The following ASNSD1 variants were observed in gnomAD, a reference collection of about 807,000 sequenced individuals.
ASNSD1 encodes the protein asparagine synthetase domain-containing protein 1.
A neutral mutation model predicts 48.3 loss-of-function variants in ASNSD1; 36 were observed. That is an observed-to-expected ratio of 0.75 (90% CI 0.57 to 0.99). The LOEUF is 0.99. Ranked by LOEUF, ASNSD1 falls within the 50% of genes least tolerant of loss-of-function variation. The pLI, the probability that ASNSD1 is intolerant of heterozygous loss-of-function variation, is 0.00. For missense variants in ASNSD1, 714 were observed against 758.2 expected, an observed-to-expected ratio of 0.94 and a Z score of 0.69; for synonymous variants, 257 against 262.1, an observed-to-expected ratio of 0.98 and a Z score of 0.19.
chr2:189,665,511 T>TAA, intron 3 of ASNSD1, 60 bp downstream of exon 3: 2 of 384,694 alleles, frequency 5.2e-6, no homozygotes, highest in Non-Finnish European at 4.6e-6. Flanking sequence ...ATCTGAGTGT[T>TAA]AAAATATATA....
chr2:189,664,274 C>T (rs1010990612), intron 2 of ASNSD1, among the ~76,000 whole-genome samples: 1 of 152,060 alleles, frequency 6.6e-6, no homozygotes, highest in African/African-American at 2.4e-5. Context: ...TATAAACGAA[C>T]TTTATATTGA....
intron 1 of ASNSD1, among the ~76,000 whole-genome samples, chr2:189,663,240 T>TATA (rs944088732): frequency 4.8e-5 from 7 of 145,232 alleles, no homozygotes; most frequent in African/African-American, 1.8e-4. Flanking sequence ...TATATATATA[T>TATA]TTTTTAAATT....
chr2:189,666,191 A>G lies in ASNSD1; in HGVS notation c.59A>G (p.Lys20Arg), dbSNP rs761926533. The change falls in exon 4 of 6, where the codon AAA becomes AGA. Residue 20 changes from lysine (K) to arginine (R), a missense_variant. Physicochemically the swap from Lys to Arg is conservative, Grantham distance 26. Coordinates refer to ENST00000260952, the MANE Select transcript of ASNSD1 (RefSeq NM_019048.4). ...FSAEHFSQDL[K>R]EDLLYNLKQR... ...GCTGAGCATTTCAGTCAAGATTTAA[A>G]AGAGGACTTACTATATAATCTTAAA... 4 of 1,607,406 alleles carry G rather than the reference A, an allele frequency of 2.5e-6. No individual in the cohort carries two copies. In the Admixed American group the frequency reaches 6.8e-5, roughly 28 times the overall value.
chr2:189,668,975 G>A (rs1317278574), intron 5 of ASNSD1, among the ~76,000 whole-genome samples: 2 of 152,158 alleles, frequency 1.3e-5, no homozygotes, highest in African/African-American at 4.8e-5. Context: ...TTGATTAAGT[G>A]GTAGTTTATT....
rs2032842606 is a variant in ASNSD1, at chr2:189,667,592, C to G, written c.1460C>G (p.Ala487Gly). 2 of 1,601,512 alleles carry G rather than the reference C, an allele frequency of 1.2e-6. No individual in the cohort carries two copies. The highest frequency in any genetic ancestry group is 1.3e-5 in the African/African-American group (1 of 74,578). Residue 487 changes from alanine (A) to glycine (G), a missense_variant, in exon 4 of 6, where the codon GCA becomes GGA. Transcript: ENST00000260952. ...QEGVKSYQSN[A>G]KVVLTGIGAD... The stretch of plus-strand genomic sequence containing the variant: ...GGAGTGAAATCCTATCAGAGCAATG[C>G]AAAGGTATGACACAGTGTTTCTTCT...
chr2:189,661,863 G>T (rs549015200), intron 1 of ASNSD1, among the ~76,000 whole-genome samples: 5 of 152,264 alleles, frequency 3.3e-5, no homozygotes, highest in Non-Finnish European at 5.9e-5. Context: ...TTTTGGTTGG[G>T]TGTTTTCCTC....
Position 189,669,089 on chromosome 2 carries a change from T to A in ASNSD1, c.1646+1144T>A, listed in dbSNP as rs111231142. The stretch of plus-strand genomic sequence containing the variant: ...TCTCTCTCTCTCTCTTTGACTTCAT[T>A]GTTTCTTGTCTCTACTTCAGTCTTT... On this transcript the variant is annotated intron_variant, in intron 5 of 5. Coordinates refer to ENST00000260952, the MANE Select transcript of ASNSD1 (RefSeq NM_019048.4). Among the ~76,000 whole-genome samples the A allele has an allele frequency of 9.3e-3, 1,413 of 152,314 alleles. 22 individuals are homozygous for A. Among genetic ancestry groups the A allele is most frequent in the African/African-American group, 0.033 (1,352 of 41,574 alleles).
In ASNSD1 at chr2:189,666,392, C is replaced by G; in HGVS notation, c.260C>G (p.Ala87Gly). 6.2e-7 allele frequency: 1 copy of G among 1,613,994 alleles called. No homozygotes were observed. The highest frequency in any genetic ancestry group is 2.2e-5 in the East Asian group (1 of 44,872). The change falls in exon 4 of 6, where the codon GCT (alanine) becomes GGT (glycine). Residue 87 changes from alanine to glycine, a missense_variant. Ala to Gly is a moderately conservative substitution (Grantham distance 60, BLOSUM62 0). Coordinates refer to ENST00000260952, the MANE Select transcript of ASNSD1 (RefSeq NM_019048.4). ...ATTTTTAGTGGAATAAAGGTTGAAG[C>G]TGAAGAGAATGACACTCAAATTTTG... ...GEIFSGIKVE[A>G]EENDTQILFN...
intron 2 of ASNSD1, among the ~76,000 whole-genome samples, chr2:189,664,746 CA>C (rs545748114): frequency 1.7e-3 from 213 of 122,900 alleles, no homozygotes; most frequent in Admixed American, 2.2e-3. Flanking sequence ...GACTCCTTCT[CA>C]AAAAAAAAAA....
intron 5 of ASNSD1, among the ~76,000 whole-genome samples, chr2:189,668,240 C>G (rs2032855474): frequency 6.6e-6 from 1 of 152,194 alleles, no homozygotes; most frequent in African/African-American, 2.4e-5. Flanking sequence ...GTAGGCCAGG[C>G]ATGGTGGCTC....
rs1239774491 is a variant in ASNSD1 at position 189,666,771 on chromosome 2, TAG to T, written c.640_641del (p.Ser214ProfsTer18). 1 of 1,613,896 alleles carries T rather than the reference TAG, an allele frequency of 6.2e-7. No individual in the cohort carries two copies. The highest frequency in any genetic ancestry group is 8.5e-7 in the Non-Finnish European group (1 of 1,179,768). Reference protein sequence around the residue: ...RENIIEENVNSLSQISADLPA... With the variant: ...RENIIEENVNXLSQISADLPA... ...AGAATATTATTGAAGAAAATGTTAA[TAG>T]CCTGAGTCAAATTTCAGCAGACTTA... On this transcript the variant is annotated frameshift_variant, in exon 4 of 6. Transcript: ENST00000260952. LOFTEE classifies it high-confidence loss of function.
intron 2 of ASNSD1, among the ~76,000 whole-genome samples, chr2:189,664,501 G>A (rs1198306670): frequency 6.6e-6 from 1 of 152,208 alleles, no homozygotes; most frequent in East Asian, 1.9e-4. Context: ...AGGAAGAAAT[G>A]AGTTTGAGCT....
Position 189,667,297 on chromosome 2 carries a change from G to GC in ASNSD1, c.1165_1166insC (p.Val389AlafsTer7). On this transcript the variant is annotated frameshift_variant, in exon 4 of 6. Coordinates refer to ENST00000260952, the MANE Select transcript of ASNSD1 (RefSeq NM_019048.4). LOFTEE classifies it high-confidence loss of function. ...ACCTTCAGAAGAATTCTCTAAAGAT[G>GC]TTGCTGCTGCTGCTGCTGACAGTCC... is the stretch of plus-strand genomic sequence containing the variant. 6.2e-7 allele frequency: 1 copy of GC among 1,614,138 alleles called. No homozygotes were observed. Among genetic ancestry groups the GC allele is most frequent in the Non-Finnish European group, 8.5e-7 (1 of 1,180,020 alleles).
chr2:189,665,598 G>GTATATATATA (rs869147580), intron 3 of ASNSD1, 147 bp downstream of exon 3: 1 of 14,634 alleles, frequency 6.8e-5, no homozygotes, highest in Non-Finnish European at 2.2e-4. Context: ...ATATATATGT[G>GTATATATATA]TATATATATA....
intron 1 of ASNSD1, among the ~76,000 whole-genome samples, chr2:189,662,531 G>A (rs192622729): frequency 1.3e-5 from 2 of 152,228 alleles, no homozygotes; most frequent in Admixed American, 1.3e-4. Context: ...CTCTGCCAAC[G>A]GGGGAGACAG....
At position 189,670,702 on chromosome 2, in the gene ASNSD1, T is replaced by C. The variant is rs764499940; in HGVS notation, c.1908T>C (p.Ser636=). 3 of 1,597,284 alleles carry C rather than the reference T, an allele frequency of 1.9e-6. No individual in the cohort carries two copies. The highest frequency in any genetic ancestry group is 1.2e-5 in the South Asian group (1 of 86,854). Residue 636 remains serine (S), a synonymous_variant, in exon 6 of 6, where the codon TCT becomes TCC. Coordinates refer to ENST00000260952, the MANE Select transcript of ASNSD1 (RefSeq NM_019048.4). ...AAATCATGTCCTTAGAAAATCTTTC[T>C]ATTGAAAAGGAGACTAAATTGTAAT... ...RLQIMSLENL[S]IEKETKL
rs767398380 is a variant in ASNSD1, at chr2:189,667,597, G to C, written c.1464+1G>C. On this transcript the variant is annotated splice_donor_variant, in intron 4 of 5. Coordinates refer to ENST00000260952, the MANE Select transcript of ASNSD1 (RefSeq NM_019048.4). LOFTEE classifies it high-confidence loss of function. ...GAAATCCTATCAGAGCAATGCAAAG[G>C]TATGACACAGTGTTTCTTCTCCTGA... is the stretch of plus-strand genomic sequence containing the variant. The C allele has an allele frequency of 3.1e-6, 5 of 1,588,160 alleles. No homozygotes were observed. In the Admixed American group the frequency reaches 5.4e-5, roughly 17 times the overall value.
intron 5 of ASNSD1, 80 bp from the exon 6 acceptor site, chr2:189,670,361 T>G: frequency 8.1e-7 from 1 of 1,232,314 alleles, no homozygotes. Context: ...TTTGGTTAAA[T>G]TTTAGCTATA....
rs1038949323 is a variant in ASNSD1 at position 189,661,470 on chromosome 2, C to T, written c.-363C>T. ...AGCGCGCATGCGCTGTGGCTAATGC[C>T]GTAGGCTCCTTCAGGGCTGAGCCAT... is the stretch of plus-strand genomic sequence containing the variant. On this transcript the variant is annotated 5_prime_UTR_variant, in exon 1 of 6. Transcript: ENST00000260952. 5.0e-6 allele frequency: 2 copies of T among 399,052 alleles called. No individual in the cohort carries two copies. Among genetic ancestry groups the T allele is most frequent in the Admixed American group, 4.4e-5 (1 of 22,716 alleles). The allele number at this position is 399,052 out of a possible 1,614,324, so 24.7% of individuals were successfully genotyped here.
Sources: allele counts gnomAD v4.1 joint callset (sites outside exome capture counted in the v4.1 genomes callset), GRCh38; gene constraint gnomAD v4.1.1; transcripts MANE v1.5; gene names NCBI Gene and HGNC (gene_info 2026-07-23, HGNC 2026-07-21).